The following PRKCA variants were observed in gnomAD, a reference collection of about 807,000 sequenced individuals.
The protein encoded by PRKCA is protein kinase C alpha type.
A neutral mutation model predicts 87.0 loss-of-function variants in PRKCA; 27 were observed. The ratio of observed to expected loss-of-function variants is 0.31; its 90% CI spans 0.23 to 0.43. PRKCA has a LOEUF of 0.43. Among genes scored for constraint, PRKCA ranks in the 20% least tolerant of loss-of-function variants. The pLI, the probability that PRKCA is intolerant of heterozygous loss-of-function variation, is 1.00. For missense variants in PRKCA, 518 were observed against 852.3 expected, an observed-to-expected ratio of 0.61 and a Z score of 4.88; for synonymous variants, 329 against 311.1, an observed-to-expected ratio of 1.06 and a Z score of -0.61.
chr17:66,755,564 T>C (rs376012275), intron 13 of PRKCA, among the ~76,000 whole-genome samples: 10 of 152,200 alleles, frequency 6.6e-5, no homozygotes, highest in African/African-American at 1.9e-4. Context: ...GTTGTTCTTT[T>C]AGTCAAACAC....
intron 5 of PRKCA, among the ~76,000 whole-genome samples, chr17:66,658,095 CAGA>C (rs1345480806): frequency 6.6e-6 from 1 of 152,128 alleles, no homozygotes; most frequent in Non-Finnish European, 1.5e-5. Flanking sequence ...ACGATCATGG[CAGA>C]AGAAGAAGCA....
intron 13 of PRKCA, among the ~76,000 whole-genome samples, chr17:66,743,950 G>A (rs1037097979): frequency 3.3e-5 from 5 of 152,202 alleles, no homozygotes; most frequent in Middle Eastern, 3.4e-3. Flanking sequence ...TCTGAACCCC[G>A]TTTCTTCAGC....
At chr17:66,485,589 G>A (rs1181715035) in intron 2 of PRKCA, among the ~76,000 whole-genome samples, 4 of 152,122 alleles carry the variant, frequency 2.6e-5, no homozygotes, top group Admixed American at 2.6e-4. Flanking sequence ...CTGCCATTTG[G>A]GAGAAGATTG....
At chr17:66,314,610 T>C (rs1905213469) in intron 2 of PRKCA, among the ~76,000 whole-genome samples, 1 of 152,184 alleles carries the variant, frequency 6.6e-6, no homozygotes, top group Non-Finnish European at 1.5e-5. Flanking sequence ...AGTAGATCCA[T>C]CTGTCCCGTC....
chr17:66,362,626 G>T (rs1202838336), intron 2 of PRKCA, among the ~76,000 whole-genome samples: 1 of 152,024 alleles, frequency 6.6e-6, no homozygotes, highest in African/African-American at 2.4e-5. Context: ...TACCTGATGG[G>T]GAAATGTATT....
At chr17:66,572,045 CAG>C (rs1163453986) in intron 3 of PRKCA, among the ~76,000 whole-genome samples, 2 of 152,162 alleles carry the variant, frequency 1.3e-5, no homozygotes. Context: ...AGGTGGGATT[CAG>C]AGACTGTGGT....
chr17:66,451,383 T>TATTA (rs933477453), intron 2 of PRKCA, among the ~76,000 whole-genome samples: 11 of 146,510 alleles, frequency 7.5e-5, no homozygotes, highest in African/African-American at 2.3e-4. Flanking sequence ...TTTATTTATT[T>TATTA]ATTACCTAAA....
chr17:66,738,972 TC>T, intron 11 of PRKCA, 117 bp downstream of exon 11: 2 of 786,576 alleles, frequency 2.5e-6, no homozygotes, highest in Non-Finnish European at 4.2e-6. Context: ...AGGCTTTGCC[TC>T]CCAGGCTCGG....
chr17:66,796,380 T>G, intron 16 of PRKCA: 17 of 948,718 alleles, frequency 1.8e-5, no homozygotes, highest in Non-Finnish European at 2.0e-5. Flanking sequence ...CATTCCCGAT[T>G]CTGGACTTGC....
intron 16 of PRKCA, among the ~76,000 whole-genome samples, chr17:66,791,046 G>A (rs1975522369): frequency 6.7e-6 from 1 of 150,308 alleles, no homozygotes; most frequent in Non-Finnish European, 1.5e-5. Flanking sequence ...TGTGCACAAT[G>A]TGCAGGTTTG....
chr17:66,663,763 C>T (rs1887240020), intron 5 of PRKCA, among the ~76,000 whole-genome samples: 1 of 152,136 alleles, frequency 6.6e-6, no homozygotes, highest in Non-Finnish European at 1.5e-5. Context: ...TGACACCTTC[C>T]CCGGCCCTCC....
chr17:66,606,132 G>A (rs1266382166), intron 3 of PRKCA, among the ~76,000 whole-genome samples: 1 of 152,228 alleles, frequency 6.6e-6, no homozygotes, highest in Non-Finnish European at 1.5e-5. Context: ...GCTCATGCCT[G>A]TAATCCCAGC....
intron 3 of PRKCA, among the ~76,000 whole-genome samples, chr17:66,534,539 C>T (rs971744536): frequency 6.6e-6 from 1 of 151,952 alleles, no homozygotes; most frequent in Non-Finnish European, 1.5e-5. Flanking sequence ...TGGTGGCGGG[C>T]GCCTGTAGTC....
chr17:66,479,646 C>G (rs960349922), intron 2 of PRKCA, among the ~76,000 whole-genome samples: 2 of 152,132 alleles, frequency 1.3e-5, no homozygotes, highest in African/African-American at 2.4e-5. Context: ...AAATGTGGTA[C>G]ATATACACCA....
rs771962400 is a variant in PRKCA at position 66,453,859 on chromosome 17, T to C, written c.206-42342T>C. On this transcript the variant is annotated intron_variant, in intron 2 of 16. Transcript: ENST00000413366. ...CATTTAGCTTACATGCAAGTCAGAA[T>C]ACTTTGGGTTTTTTCAGATCCAATA... 2.0e-4 allele frequency among the ~76,000 whole-genome samples: 30 copies of C among 152,224 alleles called. 1 individual carries two copies. Among genetic ancestry groups the C allele is most frequent in the Non-Finnish European group, 2.8e-4 (19 of 68,036 alleles).
intron 8 of PRKCA, among the ~76,000 whole-genome samples, chr17:66,707,263 C>T (rs1009059608): frequency 1.3e-5 from 2 of 152,244 alleles, no homozygotes; most frequent in African/African-American, 4.8e-5. Context: ...TTGACTTATG[C>T]AGTCTAAAGA....
chr17:66,344,853 C>T (rs1390434627), intron 2 of PRKCA, among the ~76,000 whole-genome samples: 5 of 152,218 alleles, frequency 3.3e-5, no homozygotes, highest in Non-Finnish European at 2.9e-5. Context: ...GCAACTTCCA[C>T]CTCCTGGGTT....
chr17:66,345,059 T>G (rs1391437547), intron 2 of PRKCA, among the ~76,000 whole-genome samples: 1 of 152,222 alleles, frequency 6.6e-6, no homozygotes, highest in Non-Finnish European at 1.5e-5. Flanking sequence ...TTACCCTTTT[T>G]ATTTTTCTCA....
intron 8 of PRKCA, among the ~76,000 whole-genome samples, chr17:66,694,931 C>T (rs1972879572): frequency 6.6e-6 from 1 of 152,068 alleles, no homozygotes; most frequent in African/African-American, 2.4e-5. Context: ...TTTCCCTGAG[C>T]CTACTTGGGC....
Sources: allele counts gnomAD v4.1 joint callset (sites outside exome capture counted in the v4.1 genomes callset), GRCh38; gene constraint gnomAD v4.1.1; transcripts MANE v1.5; gene names NCBI Gene and HGNC (gene_info 2026-07-23, HGNC 2026-07-21).